Variants in DZIP1 observed in about 807,000 individuals in gnomAD.
DZIP1 encodes the protein DAZ interacting zinc finger protein 1, also known as cilium assembly protein DZIP1.
In DZIP1, 97 loss-of-function variants were observed where a neutral mutation model predicts 107.6. The ratio of observed to expected loss-of-function variants is 0.90; its 90% CI spans 0.77 to 1.07. The LOEUF (loss-of-function observed/expected upper bound fraction) is 1.07, where lower values mean the gene tolerates loss of function less well. Ranked by LOEUF, DZIP1 falls within the 50% of genes least tolerant of loss-of-function variation. The pLI is 0.00. For synonymous variants in DZIP1, 390 were observed against 386.4 expected, an observed-to-expected ratio of 1.01 and a Z score of -0.11; for missense variants, 1,035 against 1,063.6, an observed-to-expected ratio of 0.97 and a Z score of 0.37.
intron 7 of DZIP1, among the ~76,000 whole-genome samples, chr13:95,626,548 C>T (rs1876562367): frequency 6.6e-6 from 1 of 152,068 alleles, no homozygotes; most frequent in African/African-American, 2.4e-5. Flanking sequence ...AGTTAGTAAT[C>T]AACAACCTCC....
chr13:95,632,560 C>G lies in DZIP1; in HGVS notation c.685+674G>C, dbSNP rs147829311. 4.3e-3 allele frequency among the ~76,000 whole-genome samples: 657 copies of G among 152,310 alleles called. 8 individuals are homozygous for G. Among genetic ancestry groups the G allele is most frequent in the African/African-American group, 0.015 (631 of 41,552 alleles). ...TCCACTGCTTCCACTGTCGCCCCAA[C>G]AGTAGTCTCTATCCACAGCTAGAAG... is the stretch of plus-strand genomic sequence containing the variant. On this transcript the variant is annotated intron_variant, in intron 6 of 22. Coordinates refer to ENST00000376829, the MANE Select transcript of DZIP1 (RefSeq NM_198968.4).
chr13:95,600,158 T>C (rs940076683), intron 14 of DZIP1, among the ~76,000 whole-genome samples: 1 of 152,164 alleles, frequency 6.6e-6, no homozygotes, highest in African/African-American at 2.4e-5. Flanking sequence ...AACCAAGCCC[T>C]ATCCTACCAA....
intron 1 of DZIP1, among the ~76,000 whole-genome samples, chr13:95,644,057 G>T (rs1165698967): frequency 1.3e-5 from 2 of 152,174 alleles, no homozygotes; most frequent in African/African-American, 4.8e-5. Flanking sequence ...CAGGAAAGAA[G>T]GGGGCATGCT....
intron 10 of DZIP1, among the ~76,000 whole-genome samples, chr13:95,612,494 C>G (rs1312170261): frequency 1.3e-5 from 2 of 152,222 alleles, no homozygotes; most frequent in African/African-American, 2.4e-5. Flanking sequence ...TGCAGAGTGG[C>G]TCTGACCCTT....
intron 8 of DZIP1, 26 bp from the exon 9 acceptor site, chr13:95,622,506 A>G (rs1876008337): frequency 6.2e-7 from 1 of 1,613,584 alleles, no homozygotes; most frequent in Admixed American, 1.7e-5. Flanking sequence ...CAAGCTCAGT[A>G]CTACAGTTAG....
intron 10 of DZIP1, among the ~76,000 whole-genome samples, chr13:95,612,692 C>A (rs572961390): frequency 6.6e-6 from 1 of 152,278 alleles, no homozygotes; most frequent in South Asian, 2.1e-4. Flanking sequence ...TCAAGCAATT[C>A]TCCTGCCTCA....
Position 95,589,923 on chromosome 13 carries a change from C to G in DZIP1, c.1853G>C (p.Ser618Thr). The G allele has an allele frequency of 6.2e-7, 1 of 1,613,706 alleles. No individual in the cohort carries two copies. The highest frequency in any genetic ancestry group is 1.1e-5 in the South Asian group (1 of 90,968). The part of the protein sequence containing the change: ...EKALLSSDQC[S>T]VSQMDTLSTG... ...TGAAAGGGTATCCATTTGAGAAACA[C>G]TGCACTGATCTGGAATATAGTGTCA... The change falls in exon 18 of 23, where the codon AGT becomes ACT. Residue 618 changes from serine (S) to threonine (T), a missense_variant. By Grantham distance (58) the Ser-to-Thr change is moderately conservative. Coordinates refer to ENST00000376829, the MANE Select transcript of DZIP1 (RefSeq NM_198968.4).
chr13:95,639,370 C>T (rs929324147), intron 5 of DZIP1, among the ~76,000 whole-genome samples: 1 of 152,046 alleles, frequency 6.6e-6, no homozygotes, highest in Admixed American at 6.6e-5. Context: ...GTGGGTGGAT[C>T]ACTTGAGGTC....
intron 14 of DZIP1, among the ~76,000 whole-genome samples, chr13:95,601,498 G>A (rs994401265): frequency 3.9e-5 from 6 of 152,140 alleles, no homozygotes; most frequent in African/African-American, 1.4e-4. Context: ...AACTAGCCCT[G>A]CCCTTTTGCC....
chr13:95,592,399 C>T (rs1462627822), intron 16 of DZIP1, among the ~76,000 whole-genome samples: 1 of 152,184 alleles, frequency 6.6e-6, no homozygotes, highest in African/African-American at 2.4e-5. Context: ...GAACCACACA[C>T]ATTCCATGAA....
intron 6 of DZIP1, among the ~76,000 whole-genome samples, chr13:95,632,689 C>A (rs539372978): frequency 1.3e-5 from 2 of 152,312 alleles, no homozygotes; most frequent in South Asian, 4.1e-4. Context: ...CCAGCCCACG[C>A]CTTCACGGCT....
At position 95,581,417 on chromosome 13, in the gene DZIP1, TTAAAA is replaced by T; in HGVS notation, c.*812_*816del. ...TTTAGTCTGATAAATTAATTGGCAC[TTAAAA>T]TAACTATACTTTATTCATAAAATAT... On this transcript the variant is annotated 3_prime_UTR_variant, in exon 23 of 23. Coordinates refer to ENST00000376829, the MANE Select transcript of DZIP1 (RefSeq NM_198968.4). The T allele has an allele frequency of 6.5e-6, 1 of 152,696 alleles. No homozygotes were observed. The highest frequency in any genetic ancestry group is 1.5e-5 in the Non-Finnish European group (1 of 68,012). 9.5% of individuals were successfully genotyped at this position (152,696 alleles called of 1,614,324 possible).
chr13:95,630,209 G>T, intron 6 of DZIP1, 96 bp from the exon 7 acceptor site: 1 of 1,412,200 alleles, frequency 7.1e-7, no homozygotes, highest in Non-Finnish European at 9.4e-7. Flanking sequence ...GAAGGAAACT[G>T]TCCTCTTACT....
intron 10 of DZIP1, among the ~76,000 whole-genome samples, chr13:95,613,212 CA>C (rs2045069476): frequency 6.6e-6 from 1 of 152,104 alleles, no homozygotes; most frequent in African/African-American, 2.4e-5. Context: ...TAAAAAGAAA[CA>C]AAGGGGGGGC....
Position 95,633,271 on chromosome 13 carries a change from G to A in DZIP1, c.648C>T (p.His216=), listed in dbSNP as rs764195302. ...TTTCTTCAGTGTGGCGGCGTTGAAT[G>A]TGACTTTGTAGAAAAGCTTGGTTCA... ...AFMNQAFLQS[H]IQRRHTEENS... is the part of the protein sequence containing the mutation. The change falls in exon 6 of 23, where the codon CAC becomes CAT. Residue 216 remains histidine (H), a synonymous_variant. Transcript: ENST00000376829. The A allele has an allele frequency of 6.2e-7, 1 of 1,614,188 alleles. No individual in the cohort carries two copies. Among genetic ancestry groups the A allele is most frequent in the Non-Finnish European group, 8.5e-7 (1 of 1,180,032 alleles).
chr13:95,640,771 G>T (rs1257815538), intron 5 of DZIP1, among the ~76,000 whole-genome samples: 5 of 152,140 alleles, frequency 3.3e-5, no homozygotes, highest in Admixed American at 2.6e-4. Flanking sequence ...CTGTGAAATG[G>T]TTCAAAAGTA....
chr13:95,614,682 A>AT, intron 10 of DZIP1, among the ~76,000 whole-genome samples: 1 of 152,100 alleles, frequency 6.6e-6, no homozygotes, highest in East Asian at 1.9e-4. Context: ...AGCACTATGC[A>AT]TTTTTCCCTA....
rs148219293 is a variant in DZIP1, at chr13:95,642,128, C to T, written c.-99G>A. The T allele has an allele frequency of 1.6e-3, 2,280 of 1,385,004 alleles. 40 individuals are homozygous for T. The East Asian group carries it at 0.037, about 23-fold the overall frequency. The allele number at this position is 1,385,004 out of a possible 1,614,324, so 85.8% of individuals were successfully genotyped here. On this transcript the variant is annotated 5_prime_UTR_variant, in exon 4 of 23. Transcript: ENST00000376829. ...GAGAAGGCCGGGTTCCTCGCTTCCG[C>T]GGCGGCGGCGGCCTAAGGTCTGGGC...
chr13:95,583,470 C>T (rs1273026586), intron 22 of DZIP1, among the ~76,000 whole-genome samples: 2 of 151,890 alleles, frequency 1.3e-5, no homozygotes, highest in African/African-American at 2.4e-5. Flanking sequence ...GAAGGTGGTG[C>T]GATGGCATAG....
Sources: allele counts gnomAD v4.1 joint callset (sites outside exome capture counted in the v4.1 genomes callset), GRCh38; gene constraint gnomAD v4.1.1; transcripts MANE v1.5; gene names NCBI Gene and HGNC (gene_info 2026-07-23, HGNC 2026-07-21).